Variants in NRXN1 observed in about 807,000 individuals in gnomAD.
The protein encoded by NRXN1 is neurexin 1.
In NRXN1, 39 loss-of-function variants were observed where a neutral mutation model predicts 150.9. That is an observed-to-expected ratio of 0.26 (90% CI 0.20 to 0.34). The LOEUF is 0.34. Ranked by LOEUF, NRXN1 falls within the 10% of genes least tolerant of loss-of-function variation. NRXN1 has a pLI of 1.00. For synonymous variants in NRXN1, 924 were observed against 757.0 expected (o/e 1.22, Z -3.62); for missense variants, 1,815 against 1,949.9 (o/e 0.93, Z 1.30).
At chr2:50,034,319 A>T (rs1056789063) in intron 21 of NRXN1, among the ~76,000 whole-genome samples, 3 of 152,134 alleles carry the variant, frequency 2.0e-5, no homozygotes, top group African/African-American at 7.2e-5. Flanking sequence ...GCCATAAAAA[A>T]GAATGAGATC....
intron 17 of NRXN1, among the ~76,000 whole-genome samples, chr2:50,242,469 T>C (rs2066099150): frequency 6.6e-6 from 1 of 151,858 alleles, no homozygotes; most frequent in Non-Finnish European, 1.5e-5. Flanking sequence ...TGTAGAATCA[T>C]AAGGAATTAT....
intron 5 of NRXN1, among the ~76,000 whole-genome samples, chr2:50,908,818 A>G (rs1684107100): frequency 6.6e-6 from 1 of 151,980 alleles, no homozygotes; most frequent in Non-Finnish European, 1.5e-5. Flanking sequence ...GGTGGCTTTA[A>G]GAAGAGGAAG....
intron 19 of NRXN1, among the ~76,000 whole-genome samples, chr2:50,070,077 C>T (rs1696016390): frequency 1.3e-5 from 2 of 151,922 alleles, no homozygotes; most frequent in South Asian, 2.1e-4. Context: ...ATTTCGATCT[C>T]CTGACCTTGC....
At chr2:50,047,897 G>C (rs1692087715) in intron 21 of NRXN1, among the ~76,000 whole-genome samples, 1 of 152,004 alleles carries the variant, frequency 6.6e-6, no homozygotes, top group Non-Finnish European at 1.5e-5. Flanking sequence ...CATCAAACTT[G>C]GTTAAGTGAA....
chr2:50,225,957 G>A (rs901818399), intron 18 of NRXN1, among the ~76,000 whole-genome samples: 16 of 151,994 alleles, frequency 1.1e-4, no homozygotes, highest in Admixed American at 3.3e-4. Context: ...GTATACTAAA[G>A]GGTAGGGTTG....
chr2:50,371,200 C>T (rs1392542858), intron 17 of NRXN1, among the ~76,000 whole-genome samples: 2 of 151,996 alleles, frequency 1.3e-5, no homozygotes, highest in African/African-American at 4.8e-5. Flanking sequence ...TTAACTTCCA[C>T]TGAGGTCTAA....
intron 18 of NRXN1, among the ~76,000 whole-genome samples, chr2:50,217,482 G>A (rs922970125): frequency 2.6e-5 from 4 of 151,856 alleles, no homozygotes; most frequent in Non-Finnish European, 5.9e-5. Flanking sequence ...CTTTTATCTG[G>A]CTGGATCTAT....
chr2:50,333,584 T>G (rs2076968829), intron 17 of NRXN1, among the ~76,000 whole-genome samples: 1 of 151,970 alleles, frequency 6.6e-6, no homozygotes, highest in Non-Finnish European at 1.5e-5. Flanking sequence ...GGAAAAGAGA[T>G]GGTTCCCATC....
intron 18 of NRXN1, among the ~76,000 whole-genome samples, chr2:50,178,915 G>A (rs2060518503): frequency 6.6e-6 from 1 of 152,130 alleles, no homozygotes; most frequent in Admixed American, 6.6e-5. Flanking sequence ...ACAAAGCCAT[G>A]TATGAATTTC....
chr2:50,775,459 A>G (rs1703496873), intron 5 of NRXN1, among the ~76,000 whole-genome samples: 1 of 152,126 alleles, frequency 6.6e-6, no homozygotes, highest in Non-Finnish European at 1.5e-5. Flanking sequence ...TTCTATTATG[A>G]TCTGGAAAAT....
At chr2:50,144,443 A>G (rs1239165797) in intron 18 of NRXN1, among the ~76,000 whole-genome samples, 1 of 151,764 alleles carries the variant, frequency 6.6e-6, no homozygotes, top group Non-Finnish European at 1.5e-5. Context: ...TAGGGGGGAG[A>G]AACAGTGTCA....
Position 49,928,258 on chromosome 2 carries a change from TA to T in NRXN1, c.4217-6008del, listed in dbSNP as rs567989734. Among the ~76,000 whole-genome samples the T allele has an allele frequency of 5.9e-3, 841 of 141,408 alleles. 4 individuals carry two copies. The highest frequency in any genetic ancestry group is 0.019 in the African/African-American group (740 of 38,760). The allele number at this position is 141,408 out of a possible 152,430, so 92.8% of individuals were successfully genotyped here. Reference sequence around the variant, plus strand: ...AGATGTCCTGTCTTGCAATGATCCTTAAAAAAAAAAAAAACTCTTGGCAAGA... The same window carrying T: ...AGATGTCCTGTCTTGCAATGATCCTTAAAAAAAAAAAAACTCTTGGCAAGA... On this transcript the variant is annotated intron_variant, in intron 22 of 22. Transcript: ENST00000401669.
intron 22 of NRXN1, 88 bp from the exon 23 acceptor site, chr2:49,922,339 C>G: frequency 7.9e-7 from 1 of 1,259,286 alleles, no homozygotes; most frequent in Non-Finnish European, 1.1e-6. Context: ...TTATCTAATT[C>G]TAACAGCACC....
At chr2:50,027,211 C>A (rs1688473731) in intron 21 of NRXN1, among the ~76,000 whole-genome samples, 1 of 151,846 alleles carries the variant, frequency 6.6e-6, no homozygotes, top group Non-Finnish European at 1.5e-5. Context: ...ACTCTCCCTG[C>A]CTTAAGAGTA....
At chr2:50,501,410 T>TGTGTGC in intron 13 of NRXN1, among the ~76,000 whole-genome samples, 1 of 151,748 alleles carries the variant, frequency 6.6e-6, no homozygotes, top group South Asian at 2.1e-4. Flanking sequence ...AGTGTGTGTG[T>TGTGTGC]GTGTGTGTGT....
At chr2:50,895,573 TTTTG>T (rs1039607271) in intron 5 of NRXN1, among the ~76,000 whole-genome samples, 9 of 150,876 alleles carry the variant, frequency 6.0e-5, no homozygotes, top group Admixed American at 2.0e-4. Context: ...TGGTTGTTTT[TTTTG>T]TTTGTTTGTC....
chr2:50,800,423 G>A (rs1377769001), intron 5 of NRXN1, among the ~76,000 whole-genome samples: 2 of 152,036 alleles, frequency 1.3e-5, no homozygotes, highest in Non-Finnish European at 2.9e-5. Flanking sequence ...ATTTATCTAT[G>A]AGCGATTATA....
intron 3 of NRXN1, 84 bp from the exon 4 acceptor site, chr2:50,922,771 G>C: frequency 7.8e-7 from 1 of 1,289,044 alleles, no homozygotes; most frequent in Non-Finnish European, 1.1e-6. Context: ...AATGTTCAGT[G>C]ACAGACATCT....
chr2:50,655,679 G>A (rs1573986987), intron 5 of NRXN1, among the ~76,000 whole-genome samples: 1 of 150,234 alleles, frequency 6.7e-6, no homozygotes, highest in South Asian at 2.1e-4. Context: ...GGGGGGGAGG[G>A]AAGAAAGAGG....
Sources: allele counts gnomAD v4.1 joint callset (sites outside exome capture counted in the v4.1 genomes callset), GRCh38; gene constraint gnomAD v4.1.1; transcripts MANE v1.5; gene names NCBI Gene and HGNC (gene_info 2026-07-23, HGNC 2026-07-21).